The following MAP2K5 variants were observed in gnomAD, a reference collection of about 807,000 sequenced individuals.
MAP2K5 encodes the protein dual specificity mitogen-activated protein kinase kinase 5.
A neutral mutation model predicts 83.1 loss-of-function variants in MAP2K5; 49 were observed. That is an observed-to-expected ratio of 0.59 (90% CI 0.47 to 0.75). The LOEUF (loss-of-function observed/expected upper bound fraction) is 0.75. Among genes scored for constraint, MAP2K5 ranks in the 30% least tolerant of loss-of-function variants. The pLI, the probability that MAP2K5 is intolerant of heterozygous loss-of-function variation, is 0.00. For synonymous variants in MAP2K5, 202 were observed against 191.8 expected, an observed-to-expected ratio of 1.05 and a Z score of -0.44; for missense variants, 457 against 557.5, an observed-to-expected ratio of 0.82 and a Z score of 1.82.
chr15:67,611,928 A>C (rs926945102), intron 8 of MAP2K5, among the ~76,000 whole-genome samples: 1 of 152,156 alleles, frequency 6.6e-6, no homozygotes, highest in Non-Finnish European at 1.5e-5. Context: ...CAATATGAAC[A>C]AACAGCTGTC....
chr15:67,584,828 C>G (rs2141000396), intron 4 of MAP2K5, among the ~76,000 whole-genome samples: 1 of 151,800 alleles, frequency 6.6e-6, no homozygotes, highest in Non-Finnish European at 1.5e-5. Flanking sequence ...TCCCGAGTAG[C>G]TGGGACTACA....
intron 13 of MAP2K5, among the ~76,000 whole-genome samples, chr15:67,669,116 A>G (rs1412933709): frequency 6.6e-6 from 1 of 152,146 alleles, no homozygotes; most frequent in African/African-American, 2.4e-5. Context: ...TAGTTTGATC[A>G]TTGAGCAACT....
intron 16 of MAP2K5, among the ~76,000 whole-genome samples, chr15:67,711,320 G>T (rs2088687149): frequency 6.6e-6 from 1 of 152,226 alleles, no homozygotes; most frequent in Non-Finnish European, 1.5e-5. Flanking sequence ...ATAGATCACA[G>T]TGTTGTGCTT....
chr15:67,550,121 T>G, intron 2 of MAP2K5, 39 bp downstream of exon 2: 2 of 1,572,380 alleles, frequency 1.3e-6, no homozygotes, highest in South Asian at 2.2e-5. Context: ...TATTCCTTTC[T>G]GCAGTCATTT....
chr15:67,710,401 A>G (rs1235954802), intron 16 of MAP2K5, among the ~76,000 whole-genome samples: 2 of 151,808 alleles, frequency 1.3e-5, no homozygotes, highest in African/African-American at 4.8e-5. Context: ...AGCAAGGACC[A>G]TGGCTTAGAA....
Position 67,565,755 on chromosome 15 carries a change from C to G in MAP2K5, c.252+2405C>G, listed in dbSNP as rs952001071. Among the ~76,000 whole-genome samples, 14 of 152,128 alleles carry G rather than the reference C, an allele frequency of 9.2e-5. No homozygotes were observed. Among genetic ancestry groups the G allele is most frequent in the African/African-American group, 3.4e-4 (14 of 41,412 alleles). On this transcript the variant is annotated intron_variant, in intron 3 of 21. Transcript: ENST00000178640. This position sits in a 1 kb window ranked among gnomAD's most constrained non-coding sequence, Gnocchi z 4.1. Reference sequence around the variant, plus strand: ...TTTTTTTTATCTGAATAGAAGTCATCTATCTCATTGATGAGATAATTTAAA... The same window carrying G: ...TTTTTTTTATCTGAATAGAAGTCATGTATCTCATTGATGAGATAATTTAAA...
intron 21 of MAP2K5, among the ~76,000 whole-genome samples, chr15:67,796,987 C>T (rs930184075): frequency 1.3e-4 from 20 of 152,212 alleles, no homozygotes; most frequent in African/African-American, 4.6e-4. Flanking sequence ...CTGGCCAAAA[C>T]TGACCCCCAG....
intron 2 of MAP2K5, among the ~76,000 whole-genome samples, chr15:67,557,652 A>G (rs2084655065): frequency 1.3e-5 from 2 of 152,156 alleles, no homozygotes; most frequent in Admixed American, 1.3e-4. Context: ...ATTTAAAGCT[A>G]AATTGCAATT....
intron 19 of MAP2K5, among the ~76,000 whole-genome samples, chr15:67,756,784 G>T (rs973453108): frequency 6.6e-6 from 1 of 152,110 alleles, no homozygotes; most frequent in African/African-American, 2.4e-5. Context: ...AGATCATGCA[G>T]TTTTTGTGTT....
At chr15:67,614,462 A>C (rs558672832) in intron 8 of MAP2K5, among the ~76,000 whole-genome samples, 1 of 152,316 alleles carries the variant, frequency 6.6e-6, no homozygotes, top group Admixed American at 6.5e-5. Flanking sequence ...TTTCCTAGCT[A>C]GTCAATCCTC....
chr15:67,635,464 C>T (rs573761109), intron 9 of MAP2K5, among the ~76,000 whole-genome samples: 106 of 152,098 alleles, frequency 7.0e-4, no homozygotes, highest in African/African-American at 2.4e-3. Context: ...TGTGAGTCAC[C>T]GTGCCCGGCC....
chr15:67,793,091 C>G lies in MAP2K5; in HGVS notation c.1243-13555C>G, dbSNP rs528709317. Among the ~76,000 whole-genome samples the G allele has an allele frequency of 2.0e-5, 3 of 152,350 alleles. No individual in the cohort carries two copies. The highest frequency in any genetic ancestry group is 4.1e-4 in the South Asian group (2 of 4,826). On this transcript the variant is annotated intron_variant, in intron 21 of 21. Coordinates refer to ENST00000178640, the MANE Select transcript of MAP2K5 (RefSeq NM_145160.3). The surrounding 1 kb of genome is among the most constrained non-coding windows in gnomAD (Gnocchi z 4.6). ...AAGAGGTCTTAAATGTGTTATAACA[C>G]TGCTCTATCCTCTTAAACAGATTAC...
At chr15:67,560,634 G>C (rs2084715921) in intron 2 of MAP2K5, among the ~76,000 whole-genome samples, 1 of 152,140 alleles carries the variant, frequency 6.6e-6, no homozygotes, top group Non-Finnish European at 1.5e-5. Context: ...TAACCTTTTG[G>C]CTTCAGTTTT....
chr15:67,692,472 T>G lies in MAP2K5; in HGVS notation c.848-7T>G. ...TAGTTACATGGCCTTTTCTGGTCCC[T>G]TTTTAGACGTGAAGCCCTCCAATAT... On this transcript the variant is annotated splice_region_variant and splice_polypyrimidine_tract_variant and intron_variant, in intron 13 of 21. Coordinates refer to ENST00000178640, the MANE Select transcript of MAP2K5 (RefSeq NM_145160.3). The G allele has an allele frequency of 1.2e-6, 2 of 1,608,896 alleles. No individual in the cohort carries two copies. Among genetic ancestry groups the G allele is most frequent in the Non-Finnish European group, 1.7e-6 (2 of 1,175,996 alleles).
intron 3 of MAP2K5, among the ~76,000 whole-genome samples, chr15:67,578,368 T>G (rs1010425746): frequency 1.1e-4 from 16 of 152,212 alleles, no homozygotes; most frequent in African/African-American, 3.9e-4. Flanking sequence ...TAGTGCCTTG[T>G]TGGTGGCTGT....
intron 3 of MAP2K5, among the ~76,000 whole-genome samples, chr15:67,566,157 G>GT (rs982307552): frequency 4.3e-4 from 66 of 152,114 alleles, no homozygotes; most frequent in African/African-American, 1.5e-3. Context: ...GCAAAAAGCT[G>GT]TTTTTTTCTT....
intron 21 of MAP2K5, among the ~76,000 whole-genome samples, chr15:67,798,858 T>C (rs964843193): frequency 1.3e-5 from 2 of 151,984 alleles, no homozygotes; most frequent in African/African-American, 2.4e-5. Flanking sequence ...CCCCCAAATA[T>C]GGAAAAGCTT....
chr15:67,655,677 T>C (rs1434882661), intron 11 of MAP2K5, among the ~76,000 whole-genome samples: 1 of 152,196 alleles, frequency 6.6e-6, no homozygotes, highest in Non-Finnish European at 1.5e-5. Flanking sequence ...TTGATAATAA[T>C]GTGTATAGAT....
At chr15:67,751,160 A>G (rs1566952070) in intron 19 of MAP2K5, among the ~76,000 whole-genome samples, 1 of 152,250 alleles carries the variant, frequency 6.6e-6, no homozygotes, top group East Asian at 1.9e-4. Flanking sequence ...ACAAAGCCAG[A>G]GTTAGCTACC....
Sources: gnomAD v4.1 joint callset for allele counts (sites outside exome capture counted in the v4.1 genomes callset) on GRCh38, gnomAD v4.1.1 for gene constraint, Gnocchi (gnomAD v3.1) non-coding constraint, MANE v1.5 for transcripts, NCBI Gene and HGNC (gene_info 2026-07-23, HGNC 2026-07-21) for gene names.